The following NRG1 variants were observed in gnomAD, a reference collection of about 807,000 sequenced individuals.
NRG1 encodes the protein neuregulin 1, also known as pro-neuregulin-1, membrane-bound isoform.
Under a neutral mutation model 63.8 loss-of-function variants are expected in NRG1, and 18 were observed. The ratio of observed to expected loss-of-function variants is 0.28; its 90% confidence interval spans 0.19 to 0.42. The LOEUF is 0.42. NRG1 is among the 10% of genes least tolerant of loss of function. The probability of loss-of-function intolerance (pLI) is 1.00; values close to 1 mark genes in which losing one functional copy is unlikely to be tolerated. For missense variants in NRG1, 762 were observed against 814.7 expected (o/e 0.94, Z 0.79); for synonymous variants, 302 against 301.3 (o/e 1.00, Z -0.02).
chr8:32,286,800 C>A (rs544535862), intron 1 of NRG1, among the ~76,000 whole-genome samples: 18 of 152,104 alleles, frequency 1.2e-4, no homozygotes, highest in Non-Finnish European at 2.5e-4. Context: ...AGTTCAAGAC[C>A]AGCTTGGCCA....
chr8:31,725,731 T>C (rs1047565986), intron 1 of NRG1, among the ~76,000 whole-genome samples: 1 of 152,140 alleles, frequency 6.6e-6, no homozygotes, highest in African/African-American at 2.4e-5. Flanking sequence ...CTTGGCCAAA[T>C]AGGTTTATTT....
chr8:32,373,164 AC>A (rs1809154220), intron 1 of NRG1, among the ~76,000 whole-genome samples: 1 of 152,182 alleles, frequency 6.6e-6, no homozygotes, highest in Admixed American at 6.5e-5. Context: ...ACAATGAAAA[AC>A]AAAACAGTGA....
chr8:32,506,393 G>A (rs1828534647), intron 1 of NRG1, among the ~76,000 whole-genome samples: 1 of 152,140 alleles, frequency 6.6e-6, no homozygotes. Flanking sequence ...TCTGTAGTCT[G>A]CTGAGAACTT....
intron 1 of NRG1, among the ~76,000 whole-genome samples, chr8:32,502,508 G>C (rs1156894527): frequency 6.8e-6 from 1 of 147,122 alleles, no homozygotes; most frequent in Admixed American, 6.8e-5. Flanking sequence ...CCTAGCCAGC[G>C]TGGCCACACA....
chr8:32,379,701 TCA>T (rs1810099901), intron 1 of NRG1, among the ~76,000 whole-genome samples: 1 of 152,158 alleles, frequency 6.6e-6, no homozygotes, highest in African/African-American at 2.4e-5. Context: ...ACAAATCCTA[TCA>T]GTTGAGGGAA....
chr8:32,529,838 G>A (rs1831259103), intron 1 of NRG1, among the ~76,000 whole-genome samples: 2 of 152,182 alleles, frequency 1.3e-5, no homozygotes, highest in South Asian at 4.1e-4. Context: ...GGAACTGCCT[G>A]AGGCTGTTTT....
chr8:32,465,372 G>T (rs1345420272), intron 1 of NRG1, among the ~76,000 whole-genome samples: 2 of 152,156 alleles, frequency 1.3e-5, no homozygotes, highest in African/African-American at 2.4e-5. Context: ...TAGGAACAGG[G>T]TCTCCTGCTG....
intron 2 of NRG1, among the ~76,000 whole-genome samples, chr8:32,602,071 A>G (rs1280660413): frequency 6.6e-6 from 1 of 152,094 alleles, no homozygotes; most frequent in African/African-American, 2.4e-5. Context: ...GTCTTGGCCC[A>G]TTGATGTTCT....
chr8:31,881,403 A>G (rs1444701599), intron 1 of NRG1, among the ~76,000 whole-genome samples: 1 of 152,214 alleles, frequency 6.6e-6, no homozygotes, highest in Admixed American at 6.5e-5. Context: ...AATAGTTGCT[A>G]CACCAACCAG....
intron 1 of NRG1, among the ~76,000 whole-genome samples, chr8:31,968,726 A>C (rs1459022608): frequency 1.3e-5 from 2 of 151,962 alleles, no homozygotes; most frequent in Non-Finnish European, 2.9e-5. Context: ...TCTATTTCTC[A>C]TGGTTTTTTT....
chr8:32,544,977 T>G (rs1433170881), upstream of NRG1, among the ~76,000 whole-genome samples: 1 of 152,212 alleles, frequency 6.6e-6, no homozygotes, highest in Admixed American at 6.5e-5. Flanking sequence ...AAGTAATCTT[T>G]GTTTACATTA....
intron 1 of NRG1, among the ~76,000 whole-genome samples, chr8:32,190,913 C>A (rs1303004021): frequency 6.6e-6 from 1 of 152,058 alleles, no homozygotes; most frequent in Non-Finnish European, 1.5e-5. Context: ...TTAGGGTACC[C>A]CCAAATTTTA....
At position 31,856,375 on chromosome 8, in the gene NRG1, G is replaced by A. The variant is rs373529215; in HGVS notation, c.37+216944G>A. ...CATTTCATTCATTTCATCTTCCATC[G>A]CTGATACCCTTTCTTCCAGTTGATT... is the stretch of plus-strand genomic sequence containing the variant. On this transcript the variant is annotated intron_variant, in intron 1 of 10. Transcript: ENST00000519301. Among the ~76,000 whole-genome samples the A allele has an allele frequency of 1.5e-3, 226 of 151,826 alleles. 2 individuals carry two copies. Among genetic ancestry groups the A allele is most frequent in the East Asian group, 0.01 (52 of 5,166 alleles).
At chr8:31,957,848 G>C (rs1281765290) in intron 1 of NRG1, among the ~76,000 whole-genome samples, 3 of 152,122 alleles carry the variant, frequency 2.0e-5, no homozygotes, top group Non-Finnish European at 4.4e-5. Context: ...TGTAGAGAGA[G>C]AGCGCACTAT....
intron 1 of NRG1, among the ~76,000 whole-genome samples, chr8:32,402,511 G>A (rs373854203): frequency 5.3e-5 from 8 of 152,226 alleles, no homozygotes; most frequent in East Asian, 3.9e-4. Flanking sequence ...TGTCCCATGC[G>A]GGACATGAAT....
intron 1 of NRG1, among the ~76,000 whole-genome samples, chr8:31,695,169 T>C (rs973577141): frequency 3.3e-5 from 5 of 150,580 alleles, no homozygotes; most frequent in African/African-American, 1.2e-4. Flanking sequence ...GCTACACACT[T>C]TTATTTATTT....
chr8:32,647,095 G>GCCTC, intron 5 of NRG1: 1 of 985,366 alleles, frequency 1.0e-6, no homozygotes, highest in Non-Finnish European at 1.2e-6. Context: ...CTGCACTCTT[G>GCCTC]CCTCCGGAGC....
At chr8:32,080,076 T>A (rs915387245) in intron 1 of NRG1, among the ~76,000 whole-genome samples, 2 of 152,216 alleles carry the variant, frequency 1.3e-5, no homozygotes, top group Admixed American at 6.5e-5. Flanking sequence ...AATCTCTTGA[T>A]GCATCTACTT....
intron 1 of NRG1, among the ~76,000 whole-genome samples, chr8:32,514,006 C>T (rs1040953099): frequency 2.6e-5 from 4 of 152,252 alleles, no homozygotes; most frequent in Admixed American, 1.3e-4. Flanking sequence ...ATTAGCAATA[C>T]TAACTGAAAA....
Sources: allele counts gnomAD v4.1 joint callset (sites outside exome capture counted in the v4.1 genomes callset), GRCh38; gene constraint gnomAD v4.1.1; transcripts MANE v1.5; gene names NCBI Gene and HGNC (gene_info 2026-07-23, HGNC 2026-07-21).